Variants in GLT8D2 observed in about 807,000 individuals in gnomAD.
The protein encoded by GLT8D2 is glycosyltransferase 8 domain-containing protein 2.
Under a neutral mutation model 44.5 loss-of-function variants are expected in GLT8D2, and 45 were observed. The ratio of observed to expected loss-of-function variants is 1.01; its 90% CI spans 0.80 to 1.30. GLT8D2 has a LOEUF of 1.30. GLT8D2 is among the 50% of genes most tolerant of loss of function. The pLI, the probability that GLT8D2 is intolerant of heterozygous loss-of-function variation, is 0.00. For synonymous variants in GLT8D2, 156 were observed against 157.2 expected, an observed-to-expected ratio of 0.99 and a Z score of 0.06; for missense variants, 400 against 430.4, an observed-to-expected ratio of 0.93 and a Z score of 0.62.
chr12:104,018,770 A>G (rs1191469950), intron 3 of GLT8D2, among the ~76,000 whole-genome samples: 1 of 152,180 alleles, frequency 6.6e-6, no homozygotes, highest in East Asian at 1.9e-4. Context: ...ACATACTTAT[A>G]CTAAAAAATT....
chr12:104,003,062 G>C lies in GLT8D2; in HGVS notation c.284+73C>G, dbSNP rs372032880. The C allele has an allele frequency of 3.5e-4, 380 of 1,084,970 alleles. 3 individuals are homozygous for C. The East Asian group carries it at 5.3e-3, about 15-fold the overall frequency. 67.2% of individuals were successfully genotyped at this position (1,084,970 alleles called of 1,614,324 possible). A position where few individuals can be genotyped will look rare whatever the true frequency, so the allele number is the denominator to read the frequency against. On this transcript the variant is annotated intron_variant, in intron 5 of 10. Transcript: ENST00000360814. Reference sequence around the variant, plus strand: ...AGAAAGAAAAGAAGAAGAAGAGGTAGGGAGGGAGGGAGGGAGGGAAGGAGA... The same window carrying C: ...AGAAAGAAAAGAAGAAGAAGAGGTACGGAGGGAGGGAGGGAGGGAAGGAGA...
intron 8 of GLT8D2, among the ~76,000 whole-genome samples, chr12:103,995,152 TG>T (rs1297084748): frequency 6.6e-6 from 1 of 152,200 alleles, no homozygotes. Flanking sequence ...AATGGATTTC[TG>T]CAAGTTCCTC....
At chr12:104,031,656 T>A (rs1393596732) in intron 1 of GLT8D2, 1 of 875,402 alleles carries the variant, frequency 1.1e-6, no homozygotes. Flanking sequence ...TCTTGAGTTG[T>A]AGCTGCAGAT....
At chr12:104,033,056 A>G (rs2136440267) in intron 1 of GLT8D2, among the ~76,000 whole-genome samples, 1 of 152,050 alleles carries the variant, frequency 6.6e-6, no homozygotes, top group East Asian at 1.9e-4. Flanking sequence ...ATTTTTGTAT[A>G]TTTTTAGTAG....
intron 2 of GLT8D2, among the ~76,000 whole-genome samples, chr12:104,019,966 C>A (rs1450625105): frequency 6.6e-6 from 1 of 152,144 alleles, no homozygotes; most frequent in Non-Finnish European, 1.5e-5. Context: ...ATCACCCAGG[C>A]TGGAATGCAG....
At chr12:103,998,592 T>G (rs1873800145) in intron 6 of GLT8D2, among the ~76,000 whole-genome samples, 1 of 152,080 alleles carries the variant, frequency 6.6e-6, no homozygotes, top group African/African-American at 2.4e-5. Flanking sequence ...GTATTTTTAG[T>G]AGAGATGGGG....
rs1874481137 is a variant in GLT8D2 at position 104,003,191 on chromosome 12, A to C, written c.228T>G (p.Thr76=). 6.2e-7 allele frequency: 1 copy of C among 1,614,060 alleles called. No homozygotes were observed. The highest frequency in any genetic ancestry group is 8.5e-7 in the Non-Finnish European group (1 of 1,180,010). Reference sequence around the variant, plus strand: ...CTACATAGAACAAGATGTTGGCGTCAGTGTTGCTGTAGATGCTATTGATGG... The same window carrying C: ...CTACATAGAACAAGATGTTGGCGTCCGTGTTGCTGTAGATGCTATTGATGG... ...MAAINSIYSN[T]DANILFYVVG... The change falls in exon 5 of 11, where the codon ACT becomes ACG. Residue 76 remains threonine, a synonymous_variant. Coordinates refer to ENST00000360814, the MANE Select transcript of GLT8D2 (RefSeq NM_001384711.1).
intron 1 of GLT8D2, among the ~76,000 whole-genome samples, chr12:104,063,040 C>G (rs1419632138): frequency 3.3e-5 from 5 of 152,092 alleles, no homozygotes; most frequent in Non-Finnish European, 4.4e-5. Flanking sequence ...GCCTGATGAT[C>G]TGAGGTGGAA....
chr12:104,041,431 T>C (rs752306794), intron 1 of GLT8D2, among the ~76,000 whole-genome samples: 1 of 150,890 alleles, frequency 6.6e-6, no homozygotes, highest in Non-Finnish European at 1.5e-5. Context: ...AAAAAATTAG[T>C]TGGATGTGGT....
chr12:104,004,794 T>C (rs979619032), intron 4 of GLT8D2, among the ~76,000 whole-genome samples: 5 of 152,124 alleles, frequency 3.3e-5, no homozygotes, highest in African/African-American at 1.2e-4. Flanking sequence ...ATCGTGAAAA[T>C]GGCCACACTG....
intron 4 of GLT8D2, chr12:104,012,719 C>T: frequency 1.5e-6 from 1 of 664,906 alleles, no homozygotes; most frequent in Non-Finnish European, 2.7e-6. Flanking sequence ...TTGTTAACGT[C>T]TTAGCTTCCA....
intron 2 of GLT8D2, among the ~76,000 whole-genome samples, chr12:104,019,982 C>A (rs776247241): frequency 6.6e-6 from 1 of 152,068 alleles, no homozygotes; most frequent in Non-Finnish European, 1.5e-5. Context: ...TGCAGTGGTG[C>A]GATCTTGGCT....
upstream of GLT8D2, among the ~76,000 whole-genome samples, chr12:104,053,201 C>A (rs1199715609): frequency 6.6e-6 from 1 of 152,214 alleles, no homozygotes; most frequent in Non-Finnish European, 1.5e-5. Context: ...ATCATGTCAT[C>A]TCCTTTGAAT....
At chr12:104,029,238 C>T (rs547943234) in intron 1 of GLT8D2, among the ~76,000 whole-genome samples, 21 of 151,926 alleles carry the variant, frequency 1.4e-4, no homozygotes, top group Non-Finnish European at 2.6e-4. Context: ...TGCAGTGAGC[C>T]GAGATTGCAC....
chr12:104,052,041 C>G (rs139650616), upstream of GLT8D2, among the ~76,000 whole-genome samples: 466 of 152,244 alleles, frequency 3.1e-3, no homozygotes, highest in African/African-American at 0.011. Flanking sequence ...AGTAAATTCA[C>G]GAGTCCAGGT....
intron 8 of GLT8D2, among the ~76,000 whole-genome samples, chr12:103,994,970 C>A (rs1023692905): frequency 5.5e-4 from 84 of 152,252 alleles, no homozygotes; most frequent in African/African-American, 1.9e-3. Context: ...GTTACTTGGG[C>A]AAAAAACCTG....
intron 1 of GLT8D2, among the ~76,000 whole-genome samples, chr12:104,063,507 C>A (rs1882866960): frequency 6.6e-6 from 1 of 152,178 alleles, no homozygotes; most frequent in Non-Finnish European, 1.5e-5. Context: ...GATCGCGCCA[C>A]TGCATTCCGG....
intron 1 of GLT8D2, among the ~76,000 whole-genome samples, chr12:104,041,379 A>T (rs1262436054): frequency 6.6e-6 from 1 of 152,164 alleles, no homozygotes; most frequent in Non-Finnish European, 1.5e-5. Flanking sequence ...GCACCATTGC[A>T]CTCCAGCCTG....
At chr12:104,017,970 C>CT (rs910909442) in intron 3 of GLT8D2, among the ~76,000 whole-genome samples, 56 of 151,506 alleles carry the variant, frequency 3.7e-4, no homozygotes, top group African/African-American at 1.2e-3. Context: ...ATTATTTTAT[C>CT]TTTTTTTTTC....
Sources: allele counts gnomAD v4.1 joint callset (sites outside exome capture counted in the v4.1 genomes callset), GRCh38; gene constraint gnomAD v4.1.1; transcripts MANE v1.5; gene names NCBI Gene and HGNC (gene_info 2026-07-23, HGNC 2026-07-21).